CDH13: variants seen among roughly 807,000 people sequenced by gnomAD.
CDH13 encodes the protein cadherin 13, also known as cadherin-13.
A neutral mutation model predicts 63.8 loss-of-function variants in CDH13; 24 were observed. That is an observed-to-expected ratio of 0.38 (90% confidence interval 0.27 to 0.53). The LOEUF (loss-of-function observed/expected upper bound fraction) is 0.53, where lower values mean the gene tolerates loss of function less well. CDH13 is among the 20% of genes least tolerant of loss of function. The probability of loss-of-function intolerance (pLI) is 0.85; values close to 1 mark genes in which losing one functional copy is unlikely to be tolerated. For synonymous variants in CDH13, 503 were observed against 355.3 expected, an observed-to-expected ratio of 1.42 and a Z score of -4.67; for missense variants, 1,049 against 903.1, an observed-to-expected ratio of 1.16 and a Z score of -2.07.
At chr16:83,747,987 G>GT (rs1238718912) in intron 10 of CDH13, 121 bp from the exon 11 acceptor site, 10 of 1,016,534 alleles carry the variant, frequency 9.8e-6, no homozygotes, top group Middle Eastern at 2.2e-4. Flanking sequence ...AGAAATGATG[G>GT]TTTTGGATTT....
chr16:83,054,495 A>C (rs1442321202), intron 3 of CDH13, among the ~76,000 whole-genome samples: 1 of 152,204 alleles, frequency 6.6e-6, no homozygotes. Flanking sequence ...GATACACCGG[A>C]CAAAGCCATG....
chr16:82,667,513 G>C (rs1912735459), intron 1 of CDH13, among the ~76,000 whole-genome samples: 1 of 152,158 alleles, frequency 6.6e-6, no homozygotes, highest in South Asian at 2.1e-4. Context: ...TTGCACCGTA[G>C]GATTGTGCAT....
At chr16:82,730,330 C>T (rs768043839) in intron 1 of CDH13, among the ~76,000 whole-genome samples, 7 of 152,046 alleles carry the variant, frequency 4.6e-5, no homozygotes, top group African/African-American at 7.2e-5. Context: ...TTTCCTTGAG[C>T]ATTTAGAGAC....
intron 5 of CDH13, among the ~76,000 whole-genome samples, chr16:83,299,635 GC>G (rs2151874333): frequency 6.6e-6 from 1 of 152,300 alleles, no homozygotes; most frequent in Non-Finnish European, 1.5e-5. Flanking sequence ...GTTTGTTAAA[GC>G]ATCTCTTAAC....
At chr16:83,788,451 T>TTA (rs1411943525) in intron 13 of CDH13, among the ~76,000 whole-genome samples, 1 of 134,770 alleles carries the variant, frequency 7.4e-6, no homozygotes, top group Non-Finnish European at 1.6e-5. Context: ...ATATTAAGTA[T>TTA]TAGTAAACAT....
intron 4 of CDH13, among the ~76,000 whole-genome samples, chr16:83,172,941 A>G (rs1305705316): frequency 6.6e-6 from 1 of 152,096 alleles, no homozygotes; most frequent in African/African-American, 2.4e-5. Context: ...TTGATGCTGA[A>G]CCAAGCCAAC....
chr16:83,696,081 G>A (rs965378384), intron 10 of CDH13, among the ~76,000 whole-genome samples: 8 of 151,768 alleles, frequency 5.3e-5, no homozygotes, highest in African/African-American at 1.9e-4. Context: ...TGTAGAGATG[G>A]GGTTTCGCCA....
In CDH13 at chr16:83,518,765, C is replaced by G. The variant is rs1028396387; in HGVS notation, c.960+32110C>G. Among the ~76,000 whole-genome samples the G allele has an allele frequency of 1.2e-4, 18 of 152,128 alleles. 1 individual carries two copies. The highest frequency in any genetic ancestry group is 4.3e-4 in the African/African-American group (18 of 41,422). ...GGATTACAGGTTTGAGCCACCGAGC[C>G]CGGCCGATGTGATGGTTTTATAAAG... On this transcript the variant is annotated intron_variant, in intron 7 of 13. Coordinates refer to ENST00000567109, the MANE Select transcript of CDH13 (RefSeq NM_001257.5).
At position 82,908,235 on chromosome 16, in the gene CDH13, T is replaced by A. The variant is rs60694508; in HGVS notation, c.157+49762T>A. ...GATATTGTCCCATGAATACAAAAGG[T>A]GATGGGTAGCTAGAACCTGAGGGAG... On this transcript the variant is annotated intron_variant, in intron 2 of 13. Transcript: ENST00000567109. Among the ~76,000 whole-genome samples, 468 of 152,052 alleles carry A rather than the reference T, an allele frequency of 3.1e-3. 4 individuals are homozygous for A. Among genetic ancestry groups the A allele is most frequent in the African/African-American group, 0.011 (451 of 41,476 alleles).
At chr16:83,145,100 T>C (rs1264934447) in intron 4 of CDH13, among the ~76,000 whole-genome samples, 1 of 152,206 alleles carries the variant, frequency 6.6e-6, no homozygotes, top group East Asian at 1.9e-4. Context: ...ATCCATATGC[T>C]GCTCCTCCAA....
intron 3 of CDH13, among the ~76,000 whole-genome samples, chr16:83,059,589 G>T (rs1178857153): frequency 6.6e-6 from 1 of 152,016 alleles, no homozygotes; most frequent in Non-Finnish European, 1.5e-5. Flanking sequence ...GGCACAAGAC[G>T]GTTTGGCCAC....
chr16:82,633,505 A>T (rs1908280359), intron 1 of CDH13, among the ~76,000 whole-genome samples: 1 of 152,150 alleles, frequency 6.6e-6, no homozygotes, highest in Non-Finnish European at 1.5e-5. Flanking sequence ...CAGCCTCCCA[A>T]GTAGCTGGGA....
chr16:83,233,940 TC>T (rs749456849), intron 5 of CDH13, among the ~76,000 whole-genome samples: 56 of 152,314 alleles, frequency 3.7e-4, no homozygotes, highest in Middle Eastern at 3.4e-3. Flanking sequence ...AGGAACTTGT[TC>T]AAGGTCACAC....
At chr16:83,592,528 C>T (rs1481038671) in intron 7 of CDH13, among the ~76,000 whole-genome samples, 4 of 152,170 alleles carry the variant, frequency 2.6e-5, no homozygotes, top group African/African-American at 4.8e-5. Context: ...ACGCCATTGG[C>T]AGTTTATTTA....
At chr16:83,172,397 G>C (rs758321363) in intron 4 of CDH13, among the ~76,000 whole-genome samples, 2 of 151,908 alleles carry the variant, frequency 1.3e-5, no homozygotes, top group Non-Finnish European at 2.9e-5. Flanking sequence ...AGGCTGATAC[G>C]CAAGAATTGC....
At chr16:83,442,912 T>G (rs1275938196) in intron 6 of CDH13, among the ~76,000 whole-genome samples, 2 of 152,250 alleles carry the variant, frequency 1.3e-5, no homozygotes, top group Non-Finnish European at 2.9e-5. Flanking sequence ...AAATAAAATT[T>G]CACCCTATAT....
chr16:83,460,190 T>C (rs533117360), intron 6 of CDH13, among the ~76,000 whole-genome samples: 2 of 152,340 alleles, frequency 1.3e-5, no homozygotes, highest in South Asian at 4.1e-4. Flanking sequence ...AACAATTAGA[T>C]GTATTTATAT....
chr16:82,833,030 C>T (rs1301169486), intron 1 of CDH13, among the ~76,000 whole-genome samples: 1 of 152,158 alleles, frequency 6.6e-6, no homozygotes, highest in Admixed American at 6.5e-5. Context: ...ACAAAATTCC[C>T]ATCTTACAGT....
chr16:82,997,790 T>C (rs894603964), intron 2 of CDH13, among the ~76,000 whole-genome samples: 2 of 152,178 alleles, frequency 1.3e-5, no homozygotes, highest in African/African-American at 4.8e-5. Flanking sequence ...TGTCACAACA[T>C]TAAATATTCA....
Sources: gnomAD v4.1 joint callset for allele counts (sites outside exome capture counted in the v4.1 genomes callset) on GRCh38, gnomAD v4.1.1 for gene constraint, MANE v1.5 for transcripts, NCBI Gene and HGNC (gene_info 2026-07-23, HGNC 2026-07-21) for gene names.